The following TRIM56 variants were observed in gnomAD, a reference collection of about 807,000 sequenced individuals.
TRIM56 encodes tripartite motif containing 56.
TRIM56 carries 10 observed loss-of-function variants against 17.1 expected under a neutral mutation model. That is an observed-to-expected ratio of 0.58 (90% CI 0.36 to 0.99). TRIM56 has a LOEUF of 0.99. TRIM56 is among the 50% of genes least tolerant of loss of function. The probability of loss-of-function intolerance (pLI) is 0.01; values close to 1 mark genes in which losing one functional copy is unlikely to be tolerated. For missense variants in TRIM56, 923 were observed against 1,052.3 expected, an observed-to-expected ratio of 0.88 and a Z score of 1.70; for synonymous variants, 503 against 473.5, an observed-to-expected ratio of 1.06 and a Z score of -0.81.
In TRIM56 at chr7:101,088,705, G is replaced by C; in HGVS notation, c.1393G>C (p.Gly465Arg). 1.2e-6 allele frequency: 2 copies of C among 1,614,048 alleles called. No homozygotes were observed. The highest frequency in any genetic ancestry group is 1.7e-6 in the Non-Finnish European group (2 of 1,179,980). Residue 465 changes from glycine to arginine, a missense_variant, in exon 3 of 3, where the codon GGC becomes CGC. By Grantham distance (125) the Gly-to-Arg change is moderately radical. Around this residue, in one of 3 missense-constraint regions of TRIM56, gnomAD observed 643 missense variants for 665.6 expected, o/e 0.97. Coordinates refer to ENST00000306085, the MANE Select transcript of TRIM56 (RefSeq NM_030961.3). ...ACCCAACAAGAAGAAAAAGTTCAAA[G>C]GCAGGCTCAAGTCAATTTCCCGGGA... ...GRPNKKKKFK[G>R]RLKSISREPS...
At position 101,089,239 on chromosome 7, in the gene TRIM56, A is replaced by G. The variant is rs1157286159; in HGVS notation, c.1927A>G (p.Ser643Gly). ...GLRALVFLTT[S>G]PQGHFVGSDW... is the part of the protein sequence containing the mutation. ...GCGGGCGCTGGTGTTTCTGACCACC[A>G]GCCCCCAGGGGCATTTCGTGGGGTC... The change falls in exon 3 of 3, where the codon AGC becomes GGC. Residue 643 changes from serine (S) to glycine (G), a missense_variant. By Grantham distance (56) the Ser-to-Gly change is moderately conservative. Coordinates refer to ENST00000306085, the MANE Select transcript of TRIM56 (RefSeq NM_030961.3). 2 of 1,613,462 alleles carry G rather than the reference A, an allele frequency of 1.2e-6. No homozygotes were observed. The highest frequency in any genetic ancestry group is 2.2e-5 in the East Asian group (1 of 44,854).
At position 101,088,527 on chromosome 7, in the gene TRIM56, G is replaced by C. The variant is rs1167379619; in HGVS notation, c.1215G>C (p.Gln405His). Residue 405 changes from glutamine (Q) to histidine (H), a missense_variant, in exon 3 of 3, where the codon CAG becomes CAC. This residue lies in a region of TRIM56 where 643 missense variants were observed against 665.6 expected (regional missense o/e 0.97). Coordinates refer to ENST00000306085, the MANE Select transcript of TRIM56 (RefSeq NM_030961.3). ...RREDEPKTER[Q>H]GGVQPQAGDG... ...AGGATGAGCCGAAGACTGAGAGACA[G>C]GGTGGAGTCCAGCCCCAGGCTGGAG... 12 of 1,613,868 alleles carry C rather than the reference G, an allele frequency of 7.4e-6. No homozygotes were observed. Among genetic ancestry groups the C allele is most frequent in the Admixed American group, 5.0e-5 (3 of 60,010 alleles).
Position 101,088,810 on chromosome 7 carries a change from C to T in TRIM56, c.1498C>T (p.Arg500Trp), listed in dbSNP as rs372598751. The T allele has an allele frequency of 7.4e-6, 12 of 1,613,696 alleles. No individual in the cohort carries two copies. Among genetic ancestry groups the T allele is most frequent in the East Asian group, 2.2e-5 (1 of 44,888 alleles). Residue 500 changes from arginine (R) to tryptophan (W), a missense_variant, in exon 3 of 3, where the codon CGG becomes TGG. By Grantham distance (101) the Arg-to-Trp change is moderately radical (BLOSUM62 -3). Around this residue, in one of 3 missense-constraint regions of TRIM56, gnomAD observed 643 missense variants for 665.6 expected, o/e 0.97. Transcript: ENST00000306085. ...RPIFYCSFPT[R>W]MPGDKRSPRI... Reference sequence around the variant, plus strand: ...CATCTTTTACTGCAGTTTCCCCACGCGGATGCCTGGAGACAAGCGGTCCCC... The same window carrying T: ...CATCTTTTACTGCAGTTTCCCCACGTGGATGCCTGGAGACAAGCGGTCCCC...
At chr7:101,086,746 G>T (rs1344189648) in intron 1 of TRIM56, 1 of 152,912 alleles carries the variant, frequency 6.5e-6, no homozygotes, top group Non-Finnish European at 1.5e-5. Context: ...AAGAAGGCAG[G>T]TGTATGGGGC....
In TRIM56 at chr7:101,088,255, C is replaced by T; in HGVS notation, c.943C>T (p.Leu315=). Residue 315 remains leucine, a synonymous_variant, in exon 3 of 3, where the codon CTG becomes TTG. Coordinates refer to ENST00000306085, the MANE Select transcript of TRIM56 (RefSeq NM_030961.3). ...AAAFARRVLS[L]GREAEILSLE... ...CGCCTTCGCCCGCCGGGTACTCAGC[C>T]TGGGGCGAGAGGCCGAGATCCTCTC... 6.7e-7 allele frequency: 1 copy of T among 1,490,660 alleles called. No homozygotes were observed. The highest frequency in any genetic ancestry group is 8.9e-7 in the Non-Finnish European group (1 of 1,126,336). 92.3% of individuals were successfully genotyped at this position (1,490,660 alleles called of 1,614,324 possible). A position where few individuals can be genotyped will look rare whatever the true frequency, so the allele number is the denominator to read the frequency against.
In TRIM56 at chr7:101,088,337, C is replaced by T. The variant is rs1231811052; in HGVS notation, c.1025C>T (p.Pro342Leu). ...LRQLQGCPWA[P>L]GPAPCLLPQL... ...CAGCTGCAGGGCTGCCCCTGGGCAC[C>T]AGGCCCGGCCCCCTGCCTGCTCCCA... Residue 342 changes from proline (P) to leucine (L), a missense_variant, in exon 3 of 3, where the codon CCA becomes CTA. By Grantham distance (98) the Pro-to-Leu change is moderately conservative. Coordinates refer to ENST00000306085, the MANE Select transcript of TRIM56 (RefSeq NM_030961.3). 1.3e-6 allele frequency: 2 copies of T among 1,530,554 alleles called. No homozygotes were observed. Among genetic ancestry groups the T allele is most frequent in the African/African-American group, 1.4e-5 (1 of 72,318 alleles). The allele number at this position is 1,530,554 out of a possible 1,614,324, so 94.8% of individuals were successfully genotyped here.
rs1221380648 is a variant in TRIM56 at position 101,094,773 on chromosome 7, G to A, written c.*5193G>A. 1 of 146,582 alleles carries A rather than the reference G, an allele frequency of 6.8e-6. No individual in the cohort carries two copies. The highest frequency in any genetic ancestry group is 2.1e-4 in the East Asian group (1 of 4,812). The allele number at this position is 146,582 out of a possible 1,614,324, so 9.1% of individuals were successfully genotyped here. A position where few individuals can be genotyped will look rare whatever the true frequency, so the allele number is the denominator to read the frequency against. On this transcript the variant is annotated 3_prime_UTR_variant, in exon 3 of 3. Coordinates refer to ENST00000306085, the MANE Select transcript of TRIM56 (RefSeq NM_030961.3). ...ATAACTCAGACCAACTGGAAACCAA[G>A]TGGAGTTTCTACAGGACCAACTAGA...
chr7:101,091,788 G>C lies in TRIM56; in HGVS notation c.*2208G>C, dbSNP rs1313375099. 3.2e-5 allele frequency: 14 copies of C among 442,660 alleles called. No individual in the cohort carries two copies. Among genetic ancestry groups the C allele is most frequent in the Non-Finnish European group, 5.4e-5 (12 of 223,482 alleles). The allele number at this position is 442,660 out of a possible 1,614,324, so 27.4% of individuals were successfully genotyped here. On this transcript the variant is annotated 3_prime_UTR_variant, in exon 3 of 3. Coordinates refer to ENST00000306085, the MANE Select transcript of TRIM56 (RefSeq NM_030961.3). The stretch of plus-strand genomic sequence containing the variant: ...TCCCTCTCCCTCTCCCTCTCCCCAC[G>C]GTCTCCCTCTGCCTCTCTTTCCATG...
Position 101,089,645 on chromosome 7 carries a change from G to T in TRIM56, c.*65G>T. On this transcript the variant is annotated 3_prime_UTR_variant, in exon 3 of 3. Transcript: ENST00000306085. Reference sequence around the variant, plus strand: ...GGGCAGGAAGGAGGCAGAGCTGTCCGTGGGAGGTGGAGGCCGAGGACATTT... The same window carrying T: ...GGGCAGGAAGGAGGCAGAGCTGTCCTTGGGAGGTGGAGGCCGAGGACATTT... 1 of 1,458,846 alleles carries T rather than the reference G, an allele frequency of 6.9e-7. No homozygotes were observed. The highest frequency in any genetic ancestry group is 9.3e-7 in the Non-Finnish European group (1 of 1,080,380). 90.4% of individuals were successfully genotyped at this position (1,458,846 alleles called of 1,614,324 possible).
At position 101,096,590 on chromosome 7, in the gene TRIM56, G is replaced by A. The variant is rs1363737622; in HGVS notation, c.*7010G>A. 1 of 152,226 alleles carries A rather than the reference G, an allele frequency of 6.6e-6. No individual in the cohort carries two copies. The highest frequency in any genetic ancestry group is 1.5e-5 in the Non-Finnish European group (1 of 68,062). The allele number at this position is 152,226 out of a possible 1,614,324, so 9.4% of individuals were successfully genotyped here. On this transcript the variant is annotated 3_prime_UTR_variant, in exon 3 of 3. Coordinates refer to ENST00000306085, the MANE Select transcript of TRIM56 (RefSeq NM_030961.3). Reference sequence around the variant, plus strand: ...CTTCACAGAGCTGCTGTGAGGACTGGATGAGAAATGTAGAGAAGTATTTCG... The same window carrying A: ...CTTCACAGAGCTGCTGTGAGGACTGAATGAGAAATGTAGAGAAGTATTTCG...
rs1169804022 is a variant in TRIM56, at chr7:101,096,175, TG to T, written c.*6596del. 6.7e-6 allele frequency: 1 copy of T among 148,786 alleles called. No homozygotes were observed. The highest frequency in any genetic ancestry group is 2.0e-4 in the East Asian group (1 of 5,078). The allele number at this position is 148,786 out of a possible 1,614,324, so 9.2% of individuals were successfully genotyped here. A position where few individuals can be genotyped will look rare whatever the true frequency, so the allele number is the denominator to read the frequency against. ...CTGCACTCCAGCCTGGGCAACAGAG[TG>T]AGACCCTGTCTCAAAAAGAAAAAAA... On this transcript the variant is annotated 3_prime_UTR_variant, in exon 3 of 3. Transcript: ENST00000306085.
In TRIM56 at chr7:101,089,088, CGCGGTGGCGGCACT is replaced by C; in HGVS notation, c.1779_1792del (p.Val594Ter). ...CCCTGAGCCTCTCCCAGGCCAGCCA[CGCGGTGGCGGCACT>C]GCCTAGCGGGGACCGCGTGGCTGTC... On this transcript the variant is annotated frameshift_variant, in exon 3 of 3. Transcript: ENST00000306085. LOFTEE classifies it high-confidence loss of function. 1 of 1,598,534 alleles carries C rather than the reference CGCGGTGGCGGCACT, an allele frequency of 6.3e-7. No individual in the cohort carries two copies. The highest frequency in any genetic ancestry group is 8.5e-7 in the Non-Finnish European group (1 of 1,174,612).
intron 1 of TRIM56, among the ~76,000 whole-genome samples, chr7:101,086,516 G>A (rs761686105): frequency 7.5e-6 from 1 of 133,454 alleles, no homozygotes. Context: ...AGCCAAGATC[G>A]CACCACTGCA....
chr7:101,086,126 G>A lies in TRIM56; in HGVS notation c.-165+555G>A, dbSNP rs560036210. Among the ~76,000 whole-genome samples the A allele has an allele frequency of 4.6e-5, 7 of 152,344 alleles. No individual in the cohort carries two copies. The East Asian group carries it at 5.8e-4, about 13-fold the overall frequency. ...GCAGAAGACAGGTGTAAGGCCAGGC[G>A]GGTGCGGTGGCTCATGCCTGTAATC... is the stretch of plus-strand genomic sequence containing the variant. On this transcript the variant is annotated intron_variant, in intron 1 of 2. Transcript: ENST00000306085.
rs1276179105 is a variant in TRIM56, at chr7:101,085,513, G to A, written c.-223G>A. On this transcript the variant is annotated 5_prime_UTR_variant, in exon 1 of 3. Coordinates refer to ENST00000306085, the MANE Select transcript of TRIM56 (RefSeq NM_030961.3). Reference sequence around the variant, plus strand: ...TTTCTTTTCCAGGCACCCAGCAACGGCGGCCTCCAGGCCTCAGGCCCCCTC... The same window carrying A: ...TTTCTTTTCCAGGCACCCAGCAACGACGGCCTCCAGGCCTCAGGCCCCCTC... The A allele has an allele frequency of 2.0e-5, 3 of 152,584 alleles. No individual in the cohort carries two copies. Among genetic ancestry groups the A allele is most frequent in the Non-Finnish European group, 4.4e-5 (3 of 68,424 alleles). The allele number at this position is 152,584 out of a possible 1,614,324, so 9.5% of individuals were successfully genotyped here. A position where few individuals can be genotyped will look rare whatever the true frequency, so the allele number is the denominator to read the frequency against.
In TRIM56 at chr7:101,087,505, G is replaced by A; in HGVS notation, c.193G>A (p.Val65Met). ...RCPECRETVPVPPEGVASFKT... is the reference protein window; with the variant it reads ...RCPECRETVPMPPEGVASFKT... ...CCCCGAGTGCCGCGAGACAGTGCCT[G>A]TGCCGCCCGAGGGTGTGGCCTCCTT... Residue 65 changes from valine to methionine, a missense_variant, in exon 3 of 3, where the codon GTG becomes ATG. Val to Met is a conservative substitution (Grantham distance 21, BLOSUM62 1). Coordinates refer to ENST00000306085, the MANE Select transcript of TRIM56 (RefSeq NM_030961.3). 1.2e-6 allele frequency: 2 copies of A among 1,613,484 alleles called. No homozygotes were observed. Among genetic ancestry groups the A allele is most frequent in the Non-Finnish European group, 1.7e-6 (2 of 1,179,756 alleles).
chr7:101,088,939 A>C lies in TRIM56; in HGVS notation c.1627A>C (p.Thr543Pro). The change falls in exon 3 of 3, where the codon ACC (threonine) becomes CCC (proline). Residue 543 changes from threonine to proline, a missense_variant. Around this residue, in one of 3 missense-constraint regions of TRIM56, gnomAD observed 643 missense variants for 665.6 expected, o/e 0.97. Transcript: ENST00000306085. The part of the protein sequence containing the change: ...RFSLNGDYKG[T>P]VPVPEGCSPC... The stretch of plus-strand genomic sequence containing the variant: ...CTCCCTCAACGGCGACTACAAGGGC[A>C]CCGTGCCGGTCCCTGAGGGCTGCTC... 1.2e-6 allele frequency: 2 copies of C among 1,613,540 alleles called. No individual in the cohort carries two copies. The highest frequency in any genetic ancestry group is 1.7e-6 in the Non-Finnish European group (2 of 1,180,012).
Position 101,087,264 on chromosome 7 carries a change from C to G in TRIM56, c.-1-48C>G, listed in dbSNP as rs368296207. On this transcript the variant is annotated intron_variant, in intron 2 of 2. Coordinates refer to ENST00000306085, the MANE Select transcript of TRIM56 (RefSeq NM_030961.3). ...CGGGCGGTAGAAGCTAGAGGGTGAG[C>G]TGGTGAAGGTGCCTTCTCAACTCTG... 2.6e-6 allele frequency: 4 copies of G among 1,523,186 alleles called. No individual in the cohort carries two copies. In the African/African-American group the frequency reaches 5.5e-5, roughly 21 times the overall value. The allele number at this position is 1,523,186 out of a possible 1,614,324, so 94.4% of individuals were successfully genotyped here.
rs758268728 is a variant in TRIM56 at position 101,088,567 on chromosome 7, C to G, written c.1255C>G (p.Pro419Ala). The change falls in exon 3 of 3, where the codon CCA (proline) becomes GCA (alanine). Residue 419 changes from proline (P) to alanine (A), a missense_variant. Pro to Ala is a conservative substitution (Grantham distance 27). Around this residue, in one of 3 missense-constraint regions of TRIM56, gnomAD observed 643 missense variants for 665.6 expected, o/e 0.97. Coordinates refer to ENST00000306085, the MANE Select transcript of TRIM56 (RefSeq NM_030961.3). The part of the protein sequence containing the change: ...QPQAGDGAQT[P>A]KEEKAQTTRE... ...CCAGGCTGGAGATGGAGCCCAGACC[C>G]CAAAAGAGGAAAAAGCCCAGACAAC... is the stretch of plus-strand genomic sequence containing the variant. The G allele has an allele frequency of 6.2e-7, 1 of 1,610,112 alleles. No homozygotes were observed. Among genetic ancestry groups the G allele is most frequent in the Non-Finnish European group, 8.5e-7 (1 of 1,176,906 alleles).
Sources: gnomAD v4.1 joint callset for allele counts (sites outside exome capture counted in the v4.1 genomes callset) on GRCh38, gnomAD v4.1.1 for gene constraint, gnomAD v4.1.1 regional missense constraint, MANE v1.5 for transcripts, NCBI Gene and HGNC (gene_info 2026-07-23, HGNC 2026-07-21) for gene names.